The following KANK4 variants were observed in gnomAD, a reference collection of about 807,000 sequenced individuals.
The protein encoded by KANK4 is KN motif and ankyrin repeat domains 4.
KANK4 carries 50 observed loss-of-function variants against 80.8 expected under a neutral mutation model. That is an observed-to-expected ratio of 0.62 (90% CI 0.49 to 0.78). The LOEUF (loss-of-function observed/expected upper bound fraction) is 0.78, where lower values mean the gene tolerates loss of function less well. Among genes scored for constraint, KANK4 ranks in the 30% least tolerant of loss-of-function variants. The pLI, the probability that KANK4 is intolerant of heterozygous loss-of-function variation, is 0.00. For synonymous variants in KANK4, 465 were observed against 506.9 expected, an observed-to-expected ratio of 0.92 and a Z score of 1.11; for missense variants, 1,196 against 1,240.1, an observed-to-expected ratio of 0.96 and a Z score of 0.53.
intron 7 of KANK4, among the ~76,000 whole-genome samples, chr1:62,254,720 A>AT (rs1166687795): frequency 4.7e-5 from 7 of 149,004 alleles, no homozygotes; most frequent in East Asian, 2.0e-4. Flanking sequence ...CGCTCAGCTG[A>AT]TTTTTTATTT....
intron 2 of KANK4, 32 bp from the exon 3 acceptor site, chr1:62,275,119 AG>A: frequency 6.7e-7 from 1 of 1,484,246 alleles, no homozygotes; most frequent in South Asian, 1.3e-5. Flanking sequence ...AAAAAAAAAA[AG>A]CACAAATTTA....
chr1:62,255,314 C>T (rs1043735035), intron 7 of KANK4, among the ~76,000 whole-genome samples: 3 of 152,154 alleles, frequency 2.0e-5, no homozygotes, highest in Non-Finnish European at 4.4e-5. Context: ...AGGCATAGAC[C>T]GATAACTGTT....
chr1:62,313,021 G>T (rs540422370), intron 1 of KANK4, among the ~76,000 whole-genome samples: 1 of 152,256 alleles, frequency 6.6e-6, no homozygotes, highest in African/African-American at 2.4e-5. Context: ...TGAAGTTTCA[G>T]TTACCTATGG....
At chr1:62,254,949 G>T (rs1184014094) in intron 7 of KANK4, among the ~76,000 whole-genome samples, 1 of 136,542 alleles carries the variant, frequency 7.3e-6, no homozygotes, top group African/African-American at 2.8e-5. Flanking sequence ...GCAGTGGCGC[G>T]ATCTTGGTTC....
chr1:62,288,472 C>T (rs569935091), intron 1 of KANK4, among the ~76,000 whole-genome samples: 36 of 152,288 alleles, frequency 2.4e-4, no homozygotes, highest in Admixed American at 4.6e-4. Context: ...GAGAAGGGCA[C>T]GCTTGTTAGG....
At chr1:62,247,304 C>CTT (rs371644915) in intron 9 of KANK4, among the ~76,000 whole-genome samples, 168 bp downstream of exon 9, 2 of 136,432 alleles carry the variant, frequency 1.5e-5, no homozygotes, top group African/African-American at 2.6e-5. Context: ...TAAACAGCTA[C>CTT]TTTTTTTTTT....
At position 62,274,478 on chromosome 1, in the gene KANK4, C is replaced by A; in HGVS notation, c.626G>T (p.Gly209Val). The A allele has an allele frequency of 6.2e-7, 1 of 1,614,220 alleles. No individual in the cohort carries two copies. Among genetic ancestry groups the A allele is most frequent in the Non-Finnish European group, 8.5e-7 (1 of 1,180,046 alleles). ...VCDGTFEPAE[G>V]LAGFHSSSPR... ...GCTGGAGCTGTGGAAACCTGCCAAT[C>A]CTTCTGCAGGTTCAAAGGTGCCATC... is the stretch of plus-strand genomic sequence containing the variant. The change falls in exon 3 of 10, where the codon GGA (glycine) becomes GTA (valine). Residue 209 changes from glycine to valine, a missense_variant. Physicochemically the swap from Gly to Val is moderately radical, Grantham distance 109. Transcript: ENST00000371153.
intron 1 of KANK4, among the ~76,000 whole-genome samples, chr1:62,295,404 C>T (rs1474267907): frequency 1.3e-5 from 2 of 152,202 alleles, no homozygotes. Context: ...GCAATCCACC[C>T]GCCTTGGCCT....
rs966491589 is a variant in KANK4 at position 62,296,577 on chromosome 1, G to A, written c.-70-14943C>T. Among the ~76,000 whole-genome samples, 4 of 151,872 alleles carry A rather than the reference G, an allele frequency of 2.6e-5. No homozygotes were observed. In the South Asian group the frequency reaches 8.3e-4, roughly 32 times the overall value. ...TTTTGTTTTTGTTTTTTTGAGACAG[G>A]GTCTCGCTCTGACACCCCGTCTGGA... On this transcript the variant is annotated intron_variant, in intron 1 of 9. Transcript: ENST00000371153.
intron 9 of KANK4, among the ~76,000 whole-genome samples, chr1:62,245,085 C>G (rs1671434955): frequency 6.6e-6 from 1 of 152,232 alleles, no homozygotes; most frequent in Admixed American, 6.5e-5. Context: ...CCTCCCATCT[C>G]AGGCCTCTTC....
chr1:62,266,687 T>A, intron 6 of KANK4, 45 bp downstream of exon 6: 1 of 1,361,858 alleles, frequency 7.3e-7, no homozygotes. Context: ...GCTAACGTCT[T>A]AAACAGAAGG....
At chr1:62,291,034 G>A (rs545282232) in intron 1 of KANK4, among the ~76,000 whole-genome samples, 13 of 152,208 alleles carry the variant, frequency 8.5e-5, no homozygotes, top group African/African-American at 2.6e-4. Context: ...ACAGGCATGA[G>A]CCACCACACC....
At chr1:62,276,206 T>C (rs943210480) in intron 2 of KANK4, among the ~76,000 whole-genome samples, 2 of 152,178 alleles carry the variant, frequency 1.3e-5, no homozygotes, top group African/African-American at 4.8e-5. Flanking sequence ...TCTGCATCCA[T>C]AGGGGCCTGT....
intron 1 of KANK4, among the ~76,000 whole-genome samples, chr1:62,286,202 C>A (rs1281195984): frequency 6.6e-6 from 1 of 152,262 alleles, no homozygotes; most frequent in East Asian, 1.9e-4. Flanking sequence ...ACATTACCTT[C>A]CCTTGCATCC....
At chr1:62,286,333 T>TA (rs1294566351) in intron 1 of KANK4, among the ~76,000 whole-genome samples, 1 of 152,236 alleles carries the variant, frequency 6.6e-6, no homozygotes, top group Non-Finnish European at 1.5e-5. Flanking sequence ...TCGCAGCTGT[T>TA]AAAGGACTTG....
Position 62,274,125 on chromosome 1 carries a change from C to A in KANK4, c.979G>T (p.Val327Leu), listed in dbSNP as rs1672243246. ...GCAAGGCCCAGGCTTTCCTCAGTTA[C>A]CCTGATGCCAATGCTTCTCATGTCC... Reference protein sequence around the residue: ...EVDMRSIGIRVTEESLGLARV... With the variant: ...EVDMRSIGIRLTEESLGLARV... The change falls in exon 3 of 10, where the codon GTA (valine) becomes TTA (leucine). Residue 327 changes from valine to leucine, a missense_variant. By Grantham distance (32) the Val-to-Leu change is conservative. Coordinates refer to ENST00000371153, the MANE Select transcript of KANK4 (RefSeq NM_181712.5). 6.2e-7 allele frequency: 1 copy of A among 1,614,180 alleles called. No homozygotes were observed. The highest frequency in any genetic ancestry group is 2.2e-5 in the East Asian group (1 of 44,870).
At chr1:62,282,391 T>G (rs1351777445) in intron 1 of KANK4, among the ~76,000 whole-genome samples, 1 of 152,190 alleles carries the variant, frequency 6.6e-6, no homozygotes, top group African/African-American at 2.4e-5. Flanking sequence ...GGAAATTGGC[T>G]TTTTATGATT....
intron 9 of KANK4, among the ~76,000 whole-genome samples, chr1:62,242,019 G>C (rs1055411950): frequency 6.6e-6 from 1 of 152,166 alleles, no homozygotes; most frequent in Non-Finnish European, 1.5e-5. Flanking sequence ...GCGAGGGTTA[G>C]TGTTCCTCAG....
chr1:62,279,522 T>C (rs909103811), intron 2 of KANK4, among the ~76,000 whole-genome samples: 6 of 152,234 alleles, frequency 3.9e-5, no homozygotes, highest in African/African-American at 1.4e-4. Context: ...CCAACCTGGC[T>C]GGATTTGAAT....
Sources: gnomAD v4.1 joint callset for allele counts (sites outside exome capture counted in the v4.1 genomes callset) on GRCh38, gnomAD v4.1.1 for gene constraint, MANE v1.5 for transcripts, NCBI Gene and HGNC (gene_info 2026-07-23, HGNC 2026-07-21) for gene names.